Variants in ULK4 observed in about 807,000 individuals in gnomAD.
ULK4 encodes inactive serine/threonine-protein kinase ULK4.
In ULK4, 133 loss-of-function variants were observed where a neutral mutation model predicts 160.6. The observed-to-expected ratio is 0.83, with a 90% CI of 0.72 to 0.96. The LOEUF is 0.96. Among genes scored for constraint, ULK4 ranks in the 40% least tolerant of loss-of-function variants. ULK4 has a pLI of 0.00. For synonymous variants in ULK4, 534 were observed against 539.8 expected, an observed-to-expected ratio of 0.99 and a Z score of 0.15; for missense variants, 1,580 against 1,499.5, an observed-to-expected ratio of 1.05 and a Z score of -0.89.
chr3:41,452,027 G>A (rs914679403), intron 34 of ULK4, among the ~76,000 whole-genome samples: 2 of 152,114 alleles, frequency 1.3e-5, no homozygotes, highest in African/African-American at 4.8e-5. Flanking sequence ...CACATTTAAT[G>A]TTCTATACTC....
chr3:41,936,576 C>T (rs1262605683), intron 3 of ULK4, among the ~76,000 whole-genome samples: 1 of 152,100 alleles, frequency 6.6e-6, no homozygotes, highest in Non-Finnish European at 1.5e-5. Flanking sequence ...CAATGGAGTA[C>T]TATTCAGCCA....
rs1395003677 is a variant in ULK4, at chr3:41,592,837, T to C, written c.3120+22832A>G. Among the ~76,000 whole-genome samples, 7 of 152,176 alleles carry C rather than the reference T, an allele frequency of 4.6e-5. No individual in the cohort carries two copies. In the East Asian group the frequency reaches 1.4e-3, roughly 29 times the overall value. ...ATGCCTTGGGGAACTGCCATACTCC[T>C]AAAATTTTATCCTTTGTGCTTTCAA... On this transcript the variant is annotated intron_variant, in intron 31 of 36. Coordinates refer to ENST00000301831, the MANE Select transcript of ULK4 (RefSeq NM_017886.4).
At chr3:41,888,433 G>C (rs1455043821) in intron 16 of ULK4, among the ~76,000 whole-genome samples, 1 of 152,112 alleles carries the variant, frequency 6.6e-6, no homozygotes, top group East Asian at 1.9e-4. Context: ...AACCAACAAG[G>C]GAATCCTCTA....
chr3:41,735,472 A>G (rs1039906296), intron 22 of ULK4, among the ~76,000 whole-genome samples: 14 of 152,248 alleles, frequency 9.2e-5, no homozygotes, highest in African/African-American at 3.1e-4. Context: ...ACCGAGCTCT[A>G]TGTGCCCATC....
intron 17 of ULK4, among the ~76,000 whole-genome samples, chr3:41,852,470 A>T (rs1559607673): frequency 2.6e-5 from 4 of 152,348 alleles, no homozygotes; most frequent in South Asian, 4.1e-4. Flanking sequence ...ATAGCAGACA[A>T]AATCTTCTGC....
chr3:41,842,300 C>T (rs2041952757), intron 17 of ULK4, among the ~76,000 whole-genome samples: 1 of 151,798 alleles, frequency 6.6e-6, no homozygotes. Context: ...AGTGAAACCC[C>T]CATATAAAAA....
chr3:41,545,784 C>T (rs971781791), intron 32 of ULK4, among the ~76,000 whole-genome samples: 2 of 152,056 alleles, frequency 1.3e-5, no homozygotes, highest in Admixed American at 6.6e-5. Context: ...TGGAAATTGT[C>T]CCATAGGCTT....
chr3:41,642,991 T>C (rs1214794048), intron 30 of ULK4, among the ~76,000 whole-genome samples: 1 of 152,238 alleles, frequency 6.6e-6, no homozygotes, highest in Non-Finnish European at 1.5e-5. Context: ...AATGTCTCCT[T>C]TTGAGAAGTG....
chr3:41,273,133 TG>T (rs2079167183), intron 35 of ULK4, among the ~76,000 whole-genome samples: 1 of 152,234 alleles, frequency 6.6e-6, no homozygotes, highest in African/African-American at 2.4e-5. Flanking sequence ...TTTACCTTAT[TG>T]GGTACTTGAT....
intron 17 of ULK4, among the ~76,000 whole-genome samples, chr3:41,845,813 C>G (rs995645261): frequency 6.6e-6 from 1 of 152,134 alleles, no homozygotes; most frequent in Non-Finnish European, 1.5e-5. Context: ...TGTTGGATCA[C>G]AACTGGGCAT....
intron 1 of ULK4, among the ~76,000 whole-genome samples, chr3:41,958,490 TCA>T (rs1418378425): frequency 6.7e-6 from 1 of 149,968 alleles, no homozygotes; most frequent in Non-Finnish European, 1.5e-5. Context: ...TCGCCTGAGG[TCA>T]CAAGTTCAGG....
chr3:41,306,451 G>A (rs1196555828), intron 35 of ULK4, among the ~76,000 whole-genome samples: 3 of 137,862 alleles, frequency 2.2e-5, no homozygotes, highest in Admixed American at 7.1e-5. Context: ...TGCCCGGCCA[G>A]TGGCCCCATC....
chr3:41,653,731 T>G (rs946883269), intron 30 of ULK4, among the ~76,000 whole-genome samples: 4 of 152,184 alleles, frequency 2.6e-5, no homozygotes, highest in African/African-American at 9.7e-5. Flanking sequence ...TACAACCCTT[T>G]AAAAATGTAA....
At chr3:41,882,223 CTGGAG>C (rs1697546476) in intron 17 of ULK4, 3 of 703,014 alleles carry the variant, frequency 4.3e-6, no homozygotes, top group Non-Finnish European at 2.6e-6. Flanking sequence ...TGTCTAGGCA[CTGGAG>C]TGGAGTGTTG....
intron 32 of ULK4, among the ~76,000 whole-genome samples, chr3:41,544,975 G>C (rs1022129162): frequency 2.6e-5 from 4 of 152,196 alleles, no homozygotes; most frequent in Non-Finnish European, 5.9e-5. Context: ...TGTTCTTACT[G>C]AGATTCATCA....
At chr3:41,762,655 CTTTTTTTTT>C (rs35695794) in intron 21 of ULK4, among the ~76,000 whole-genome samples, 1 of 89,000 alleles carries the variant, frequency 1.1e-5, no homozygotes, top group Non-Finnish European at 2.1e-5. Flanking sequence ...AAGTGTTACA[CTTTTTTTTT>C]TTTTTTTTTT....
intron 32 of ULK4, among the ~76,000 whole-genome samples, chr3:41,527,826 A>C (rs1325502124): frequency 6.6e-6 from 1 of 152,256 alleles, no homozygotes. Context: ...AGGATTTCTA[A>C]TAGCTTTTAA....
At chr3:41,374,343 A>C (rs2081433408) in intron 35 of ULK4, among the ~76,000 whole-genome samples, 1 of 152,162 alleles carries the variant, frequency 6.6e-6, no homozygotes. Flanking sequence ...AAAAGAGAAA[A>C]TTTCAGGCCA....
chr3:41,729,342 T>C (rs565710253), intron 22 of ULK4, among the ~76,000 whole-genome samples: 2 of 152,304 alleles, frequency 1.3e-5, no homozygotes, highest in East Asian at 1.9e-4. Context: ...CACGGGCCAA[T>C]TGCAGTTCAG....
Sources: allele counts gnomAD v4.1 joint callset (sites outside exome capture counted in the v4.1 genomes callset), GRCh38; gene constraint gnomAD v4.1.1; transcripts MANE v1.5; gene names NCBI Gene and HGNC (gene_info 2026-07-23, HGNC 2026-07-21).